Variants in LRRC1 observed in about 807,000 individuals in gnomAD.
LRRC1 encodes the protein leucine-rich repeat-containing protein 1.
A neutral mutation model predicts 69.9 loss-of-function variants in LRRC1; 28 were observed. The ratio of observed to expected loss-of-function variants is 0.40; its 90% CI spans 0.30 to 0.55. The LOEUF (loss-of-function observed/expected upper bound fraction) is 0.55. Among genes scored for constraint, LRRC1 ranks in the 20% least tolerant of loss-of-function variants. The probability of loss-of-function intolerance (pLI) is 0.47; values close to 1 mark genes in which losing one functional copy is unlikely to be tolerated. For missense variants in LRRC1, 498 were observed against 609.0 expected, an observed-to-expected ratio of 0.82 and a Z score of 1.92; for synonymous variants, 236 against 240.2, an observed-to-expected ratio of 0.98 and a Z score of 0.16.
In LRRC1 at chr6:53,922,959, C is replaced by T. The variant is rs184198256; in HGVS notation, c.*166C>T. ...CTCCCAGGAAGTGCCTTACTCATCC[C>T]GCAACCAGTCAGCGCACCAGTGGTC... On this transcript the variant is annotated 3_prime_UTR_variant, in exon 14 of 14. Coordinates refer to ENST00000370888, the MANE Select transcript of LRRC1 (RefSeq NM_018214.5). 1.7e-5 allele frequency: 10 copies of T among 591,202 alleles called. No individual in the cohort carries two copies. The highest frequency in any genetic ancestry group is 2.6e-5 in the East Asian group (1 of 37,760). 36.6% of individuals were successfully genotyped at this position (591,202 alleles called of 1,614,324 possible).
chr6:53,884,960 G>A lies in LRRC1; in HGVS notation c.446+1984G>A, dbSNP rs3924749. Reference sequence around the variant, plus strand: ...TATTATAGCATTGTGGATACTGATTGTTTACTGAATAAAATGCCACTTTGA... The same window carrying A: ...TATTATAGCATTGTGGATACTGATTATTTACTGAATAAAATGCCACTTTGA... On this transcript the variant is annotated intron_variant, in intron 4 of 13. Coordinates refer to ENST00000370888, the MANE Select transcript of LRRC1 (RefSeq NM_018214.5). Among the ~76,000 whole-genome samples the A allele has an allele frequency of 4.3e-3, 650 of 152,176 alleles. 6 individuals are homozygous for A. The highest frequency in any genetic ancestry group is 0.015 in the African/African-American group (605 of 41,526).
chr6:53,846,560 C>T (rs1765951426), intron 2 of LRRC1, among the ~76,000 whole-genome samples: 1 of 152,190 alleles, frequency 6.6e-6, no homozygotes, highest in Non-Finnish European at 1.5e-5. Context: ...GAAAGTGACA[C>T]ACTTCTCTTG....
At chr6:53,808,721 T>A (rs995994716) in intron 1 of LRRC1, among the ~76,000 whole-genome samples, 3 of 152,096 alleles carry the variant, frequency 2.0e-5, no homozygotes, top group Middle Eastern at 3.4e-3. Flanking sequence ...AGGTCAGACA[T>A]GGGGAGACAG....
At chr6:53,918,285 C>T (rs1264196536) in intron 11 of LRRC1, among the ~76,000 whole-genome samples, 1 of 152,186 alleles carries the variant, frequency 6.6e-6, no homozygotes. Context: ...CAGTACTGCA[C>T]CCAATACATA....
At chr6:53,847,284 C>A (rs181915789) in intron 2 of LRRC1, among the ~76,000 whole-genome samples, 2 of 152,214 alleles carry the variant, frequency 1.3e-5, no homozygotes, top group Non-Finnish European at 2.9e-5. Flanking sequence ...TTAAAAATCT[C>A]ATCCAAATTT....
At chr6:53,912,709 G>A (rs982407720) in intron 10 of LRRC1, among the ~76,000 whole-genome samples, 17 of 152,200 alleles carry the variant, frequency 1.1e-4, no homozygotes, top group African/African-American at 2.7e-4. Flanking sequence ...TGCTTTTGAA[G>A]ATATTTTATA....
intron 10 of LRRC1, among the ~76,000 whole-genome samples, chr6:53,906,091 G>GGC (rs1162284201): frequency 6.6e-6 from 1 of 152,178 alleles, no homozygotes; most frequent in African/African-American, 2.4e-5. Flanking sequence ...CACTGTACTA[G>GGC]ATGCTTTCAA....
At chr6:53,847,917 T>TAC (rs1765999803) in intron 2 of LRRC1, among the ~76,000 whole-genome samples, 1 of 152,218 alleles carries the variant, frequency 6.6e-6, no homozygotes, top group African/African-American at 2.4e-5. Flanking sequence ...AATAACTGTA[T>TAC]ACACACACAC....
chr6:53,913,487 C>A (rs1289535697), intron 10 of LRRC1, among the ~76,000 whole-genome samples: 1 of 152,114 alleles, frequency 6.6e-6, no homozygotes, highest in Non-Finnish European at 1.5e-5. Context: ...TTGTTAAACT[C>A]ACATATTACC....
chr6:53,804,975 A>T (rs1764596304), intron 1 of LRRC1, among the ~76,000 whole-genome samples: 2 of 152,184 alleles, frequency 1.3e-5, no homozygotes, highest in African/African-American at 4.8e-5. Flanking sequence ...TTGACACCCA[A>T]GTCCTGTGAT....
At chr6:53,846,628 A>G (rs952322231) in intron 2 of LRRC1, among the ~76,000 whole-genome samples, 3 of 151,762 alleles carry the variant, frequency 2.0e-5, no homozygotes, top group African/African-American at 7.3e-5. Flanking sequence ...CATATATGAG[A>G]AAAAAAAACT....
chr6:53,890,975 G>C (rs1433364148), intron 4 of LRRC1, among the ~76,000 whole-genome samples: 1 of 152,146 alleles, frequency 6.6e-6, no homozygotes, highest in African/African-American at 2.4e-5. Flanking sequence ...AAAGGGTTTT[G>C]AAAACATAGT....
chr6:53,800,147 A>G (rs1012719838), intron 1 of LRRC1, among the ~76,000 whole-genome samples: 2 of 152,186 alleles, frequency 1.3e-5, no homozygotes, highest in Non-Finnish European at 2.9e-5. Flanking sequence ...GACTATGTGT[A>G]AAGCACTAAA....
At chr6:53,812,268 A>G (rs1435865412) in intron 1 of LRRC1, among the ~76,000 whole-genome samples, 1 of 152,184 alleles carries the variant, frequency 6.6e-6, no homozygotes, top group Non-Finnish European at 1.5e-5. Context: ...AGATAGGGTT[A>G]ATATTTAGAA....
At position 53,904,432 on chromosome 6, in the gene LRRC1, CAG is replaced by C; in HGVS notation, c.962_963del (p.Arg321LysfsTer2). On this transcript the variant is annotated frameshift_variant, in exon 10 of 14. Transcript: ENST00000370888. LOFTEE classifies it high-confidence loss of function. ...AGAAGTTGAGCAACTTGAATGCAGA[CAG>C]AAATAAATTAGTGTCCTTACCAAAA... is the stretch of plus-strand genomic sequence containing the variant. Reference protein sequence around the residue: ...LKKLSNLNADRNKLVSLPKEI... With the variant: ...LKKLSNLNADXNKLVSLPKEI... The C allele has an allele frequency of 6.2e-7, 1 of 1,610,962 alleles. No homozygotes were observed. The highest frequency in any genetic ancestry group is 1.1e-5 in the South Asian group (1 of 90,372).
intron 7 of LRRC1, among the ~76,000 whole-genome samples, chr6:53,898,092 G>A (rs1767932702): frequency 6.6e-6 from 1 of 152,126 alleles, no homozygotes; most frequent in South Asian, 2.1e-4. Flanking sequence ...GTTGTAAAGG[G>A]CTCTGTATTT....
chr6:53,911,723 G>C (rs1768416571), intron 10 of LRRC1, among the ~76,000 whole-genome samples: 1 of 152,152 alleles, frequency 6.6e-6, no homozygotes, highest in South Asian at 2.1e-4. Flanking sequence ...ATGCGGCAAG[G>C]GTGCCCCATG....
chr6:53,882,701 G>A (rs1414703897), intron 3 of LRRC1, among the ~76,000 whole-genome samples, 186 bp from the exon 4 acceptor site: 7 of 151,996 alleles, frequency 4.6e-5, no homozygotes, highest in Admixed American at 2.6e-4. Flanking sequence ...TTATGTATAC[G>A]AAGTCTTGTT....
intron 1 of LRRC1, among the ~76,000 whole-genome samples, chr6:53,799,216 A>G (rs1200133664): frequency 6.6e-6 from 1 of 152,164 alleles, no homozygotes; most frequent in Non-Finnish European, 1.5e-5. Context: ...CCTGCCCCCT[A>G]CATCATTCTT....
Sources: allele counts gnomAD v4.1 joint callset (sites outside exome capture counted in the v4.1 genomes callset), GRCh38; gene constraint gnomAD v4.1.1; transcripts MANE v1.5; gene names NCBI Gene and HGNC (gene_info 2026-07-23, HGNC 2026-07-21).